PTPRN2: variants seen among roughly 807,000 people sequenced by gnomAD.
The protein encoded by PTPRN2 is protein tyrosine phosphatase receptor type N2.
A neutral mutation model predicts 118.8 loss-of-function variants in PTPRN2; 74 were observed. That is an observed-to-expected ratio of 0.62 (90% CI 0.52 to 0.76). The LOEUF is 0.76. Ranked by LOEUF, PTPRN2 falls within the 30% of genes least tolerant of loss-of-function variation. The pLI is 0.00. For synonymous variants in PTPRN2, 641 were observed against 608.0 expected (o/e 1.05, Z -0.80); for missense variants, 1,481 against 1,394.4 (o/e 1.06, Z -0.99).
chr7:157,645,620 T>C (rs1030910253), intron 14 of PTPRN2, among the ~76,000 whole-genome samples: 2 of 152,164 alleles, frequency 1.3e-5, no homozygotes, highest in Admixed American at 6.5e-5. Flanking sequence ...CAGGAGAACA[T>C]ATGGCTGTTA....
intron 15 of PTPRN2, among the ~76,000 whole-genome samples, chr7:157,605,778 G>T (rs1386411016): frequency 3.9e-5 from 6 of 152,200 alleles, no homozygotes; most frequent in African/African-American, 1.4e-4. Flanking sequence ...CTATGCCTGG[G>T]GCATTTATGG....
intron 11 of PTPRN2, among the ~76,000 whole-genome samples, chr7:157,952,434 G>GAGGGTGGGACAGGCA (rs1300258420): frequency 7.2e-4 from 78 of 108,550 alleles, no homozygotes; most frequent in Non-Finnish European, 1.6e-3. Flanking sequence ...GGAGACAGGC[G>GAGGGTGGGACAGGCA]AGGGTGGGTA....
At chr7:158,229,881 G>A (rs1398698460) in intron 3 of PTPRN2, among the ~76,000 whole-genome samples, 1 of 151,940 alleles carries the variant, frequency 6.6e-6, no homozygotes, top group Admixed American at 6.6e-5. Context: ...AAACATCTAG[G>A]TACAGGAAGG....
At chr7:157,775,935 G>A (rs531356488) in intron 12 of PTPRN2, among the ~76,000 whole-genome samples, 14 of 152,132 alleles carry the variant, frequency 9.2e-5, no homozygotes, top group South Asian at 2.1e-4. Flanking sequence ...TGAGGAGACC[G>A]CCGCAAAATG....
chr7:157,765,238 C>T (rs1475627492), intron 12 of PTPRN2, among the ~76,000 whole-genome samples: 3 of 151,524 alleles, frequency 2.0e-5, no homozygotes, highest in African/African-American at 7.3e-5. Flanking sequence ...CTTCTTTCAT[C>T]CACCCACCCA....
At chr7:157,830,928 A>C (rs1050135428) in intron 12 of PTPRN2, among the ~76,000 whole-genome samples, 2 of 152,008 alleles carry the variant, frequency 1.3e-5, no homozygotes, top group African/African-American at 4.8e-5. Context: ...TGATGCAGAC[A>C]CTCCCTTTTC....
At chr7:158,317,923 C>T (rs1320184070) in intron 2 of PTPRN2, among the ~76,000 whole-genome samples, 1 of 152,216 alleles carries the variant, frequency 6.6e-6, no homozygotes, top group Non-Finnish European at 1.5e-5. Flanking sequence ...TCGAGTATTG[C>T]AAGCGTCCTG....
Position 158,559,804 on chromosome 7 carries a change from G to A in PTPRN2, c.112+27754C>T, listed in dbSNP as rs575865031. On this transcript the variant is annotated intron_variant, in intron 1 of 22. Transcript: ENST00000389418. ...GCAAAGAAGGTCATCTGAGAGGTGA[G>A]GCGATGTCAAAGAACAAAATCCTCC... Among the ~76,000 whole-genome samples the A allele has an allele frequency of 1.2e-3, 178 of 152,302 alleles. 1 individual carries two copies. The highest frequency in any genetic ancestry group is 4.2e-3 in the African/African-American group (173 of 41,554).
intron 11 of PTPRN2, among the ~76,000 whole-genome samples, chr7:158,000,301 A>T (rs963286200): frequency 6.6e-6 from 1 of 152,172 alleles, no homozygotes; most frequent in African/African-American, 2.4e-5. Context: ...GATTAAAACA[A>T]AAGGTTAAAG....
chr7:157,912,131 C>A (rs765980811), intron 11 of PTPRN2, among the ~76,000 whole-genome samples: 2 of 152,338 alleles, frequency 1.3e-5, no homozygotes, highest in South Asian at 2.1e-4. Context: ...CAAAGGGATT[C>A]TATCAATTTA....
chr7:157,869,420 T>C lies in PTPRN2; in HGVS notation c.1788+29253A>G, dbSNP rs1018136264. ...CAAATATAAGGGGACTTCAAAAAGT[T>C]CACAGAAAAATTGGATTAAAAGGTA... is the stretch of plus-strand genomic sequence containing the variant. On this transcript the variant is annotated intron_variant, in intron 12 of 22. Coordinates refer to ENST00000389418, the MANE Select transcript of PTPRN2 (RefSeq NM_002847.5). This position sits in a 1 kb window ranked among gnomAD's most constrained non-coding sequence, Gnocchi z 4.2. Among the ~76,000 whole-genome samples the C allele has an allele frequency of 1.3e-5, 2 of 152,204 alleles. No individual in the cohort carries two copies. The highest frequency in any genetic ancestry group is 1.5e-5 in the Non-Finnish European group (1 of 68,036).
rs2129447502 is a variant in PTPRN2 at position 158,517,889 on chromosome 7, A to C, written c.113-28104T>G. Among the ~76,000 whole-genome samples the C allele has an allele frequency of 6.6e-6, 1 of 151,256 alleles. No individual in the cohort carries two copies. Among genetic ancestry groups the C allele is most frequent in the Middle Eastern group, 3.4e-3 (1 of 294 alleles). On this transcript the variant is annotated intron_variant, in intron 1 of 22. Coordinates refer to ENST00000389418, the MANE Select transcript of PTPRN2 (RefSeq NM_002847.5). This position sits in a 1 kb window ranked among gnomAD's most constrained non-coding sequence, Gnocchi z 5.3. ...TTCACTAACATGCCACTGCAGAAAA[A>C]CCTTCCCTCCCCCCCAGTCTGACTA...
chr7:158,188,073 A>G (rs1467981630), intron 5 of PTPRN2, among the ~76,000 whole-genome samples: 1 of 151,854 alleles, frequency 6.6e-6, no homozygotes, highest in Non-Finnish European at 1.5e-5. Flanking sequence ...TCGCAACCCA[A>G]GAGATGAACC....
At chr7:157,654,903 C>T (rs1270561276) in intron 14 of PTPRN2, among the ~76,000 whole-genome samples, 2 of 152,168 alleles carry the variant, frequency 1.3e-5, no homozygotes, top group Non-Finnish European at 2.9e-5. Flanking sequence ...ATGGGTTTGG[C>T]CCTAATACCA....
intron 11 of PTPRN2, among the ~76,000 whole-genome samples, chr7:158,025,392 T>C (rs892735): frequency 0.84 from 127,932 of 152,172 alleles, 53,991 homozygotes; most frequent in Non-Finnish European, 0.89. Flanking sequence ...TGAGAGATAC[T>C]GACATCCCCA....
At chr7:158,188,969 C>A (rs1585790052) in intron 5 of PTPRN2, among the ~76,000 whole-genome samples, 1 of 152,278 alleles carries the variant, frequency 6.6e-6, no homozygotes, top group East Asian at 1.9e-4. Flanking sequence ...GGAAAGCATC[C>A]CAGGACATGC....
At chr7:158,153,904 G>A (rs1256314172) in intron 6 of PTPRN2, among the ~76,000 whole-genome samples, 9 of 151,874 alleles carry the variant, frequency 5.9e-5, no homozygotes, top group Non-Finnish European at 8.8e-5. Flanking sequence ...GTGCTCGCTC[G>A]GAAGGCAGGT....
chr7:157,758,914 G>T (rs989464174), intron 12 of PTPRN2, among the ~76,000 whole-genome samples: 1 of 152,242 alleles, frequency 6.6e-6, no homozygotes, highest in Non-Finnish European at 1.5e-5. Context: ...TCCCTGCCAC[G>T]GTACGCCCCT....
chr7:157,926,271 C>T (rs932995956), intron 11 of PTPRN2, among the ~76,000 whole-genome samples: 47 of 152,172 alleles, frequency 3.1e-4, no homozygotes, highest in Non-Finnish European at 5.7e-4. Context: ...CCACGCATTA[C>T]ATCCTTCCAT....
Sources: allele counts gnomAD v4.1 joint callset (sites outside exome capture counted in the v4.1 genomes callset), GRCh38; gene constraint gnomAD v4.1.1; non-coding constraint Gnocchi (gnomAD v3.1); transcripts MANE v1.5; gene names NCBI Gene and HGNC (gene_info 2026-07-23, HGNC 2026-07-21).